Variants in TSPEAR observed in about 807,000 individuals in gnomAD.
TSPEAR encodes thrombospondin-type laminin G domain and EAR repeat-containing protein.
Under a neutral mutation model 71.6 loss-of-function variants are expected in TSPEAR, and 69 were observed. The ratio of observed to expected loss-of-function variants is 0.96; its 90% CI spans 0.79 to 1.18. The LOEUF is 1.18. Among genes scored for constraint, TSPEAR ranks in the 50% most tolerant of loss-of-function variants. The pLI is 0.00. For missense variants in TSPEAR, 971 were observed against 894.9 expected (o/e 1.09, Z -1.09); for synonymous variants, 402 against 387.2 (o/e 1.04, Z -0.45).
intron 1 of TSPEAR, chr21:44,654,183 G>C: frequency 9.7e-7 from 1 of 1,027,064 alleles, no homozygotes; most frequent in Non-Finnish European, 1.5e-6. Flanking sequence ...ACGACAGTTT[G>C]CTGTGGGAGG....
chr21:44,578,803 C>T (rs1978648491), intron 1 of TSPEAR, among the ~76,000 whole-genome samples: 1 of 152,190 alleles, frequency 6.6e-6, no homozygotes, highest in Admixed American at 6.5e-5. Context: ...AGGGCCTTGT[C>T]CACCTGTGCC....
chr21:44,526,346 T>C (rs1206500184), intron 7 of TSPEAR, among the ~76,000 whole-genome samples: 4 of 152,204 alleles, frequency 2.6e-5, no homozygotes, highest in African/African-American at 9.7e-5. Flanking sequence ...ACGATGTGCT[T>C]GGAGGCAAGG....
At chr21:44,616,614 G>C (rs2146185035) in intron 1 of TSPEAR, among the ~76,000 whole-genome samples, 1 of 152,294 alleles carries the variant, frequency 6.6e-6, no homozygotes, top group South Asian at 2.1e-4. Context: ...GATCAGTGGG[G>C]CAAGCCTGGC....
intron 1 of TSPEAR, among the ~76,000 whole-genome samples, chr21:44,598,809 C>T (rs1001229475): frequency 6.6e-6 from 1 of 152,178 alleles, no homozygotes; most frequent in Non-Finnish European, 1.5e-5. Flanking sequence ...CTTCCGTCAT[C>T]CTGCCTAAAA....
chr21:44,677,861 T>C, intron 1 of TSPEAR: 2 of 1,338,740 alleles, frequency 1.5e-6, no homozygotes, highest in African/African-American at 1.4e-5. Flanking sequence ...TGGTTTTCTC[T>C]ACTCTTTCTC....
intron 1 of TSPEAR, among the ~76,000 whole-genome samples, chr21:44,568,206 C>A (rs587689555): frequency 3.3e-5 from 5 of 152,284 alleles, no homozygotes; most frequent in South Asian, 2.1e-4. Context: ...GGCCTCCCCC[C>A]ACCCCTCCTC....
At chr21:44,592,984 TG>T (rs1484027785) in intron 1 of TSPEAR, among the ~76,000 whole-genome samples, 2 of 151,304 alleles carry the variant, frequency 1.3e-5, no homozygotes, top group Admixed American at 1.3e-4. Flanking sequence ...ATGGTGGGGG[TG>T]GGGGGCAGCT....
chr21:44,591,658 G>A, intron 1 of TSPEAR: 1 of 1,612,986 alleles, frequency 6.2e-7, no homozygotes, highest in South Asian at 1.1e-5. Context: ...GGAAGCCCCA[G>A]AGCAGACGGG....
intron 1 of TSPEAR, among the ~76,000 whole-genome samples, chr21:44,618,647 G>A (rs765217759): frequency 5.1e-4 from 78 of 152,208 alleles, no homozygotes; most frequent in Non-Finnish European, 7.8e-4. Context: ...CTGGTGTGGG[G>A]TGCTGCTGCC....
Position 44,525,719 on chromosome 21 carries a change from C to T in TSPEAR, c.1270G>A (p.Ala424Thr), listed in dbSNP as rs782579545. ...TPYQSIATHS[A>T]RDWEAFEVDG... ...ACCTCGAAGGCCTCCCAGTCTCGGG[C>T]GCTGTGTGTGGCAATGCTCTGATAT... Residue 424 changes from alanine (A) to threonine (T), a missense_variant, in exon 8 of 12, where the codon GCC becomes ACC. Coordinates refer to ENST00000323084, the MANE Select transcript of TSPEAR (RefSeq NM_144991.3). The T allele has an allele frequency of 6.8e-6, 11 of 1,614,168 alleles. No homozygotes were observed. The highest frequency in any genetic ancestry group is 2.2e-5 in the East Asian group (1 of 44,882).
intron 1 of TSPEAR, among the ~76,000 whole-genome samples, chr21:44,647,894 T>C (rs886491786): frequency 6.6e-6 from 1 of 152,114 alleles, no homozygotes; most frequent in African/African-American, 2.4e-5. Context: ...CAGAGCTGAG[T>C]GGGCTCGGCC....
intron 1 of TSPEAR, chr21:44,600,657 C>A (rs1378054701): frequency 6.2e-7 from 1 of 1,613,842 alleles, no homozygotes; most frequent in Admixed American, 1.7e-5. Flanking sequence ...GCTCCAGCGA[C>A]CTGAGCTACG....
intron 1 of TSPEAR, among the ~76,000 whole-genome samples, chr21:44,655,453 C>T (rs1654122307): frequency 6.6e-6 from 1 of 152,204 alleles, no homozygotes; most frequent in Admixed American, 6.5e-5. Flanking sequence ...CAGTGGGCTT[C>T]CTGACACCAC....
At chr21:44,579,642 G>T in intron 1 of TSPEAR, 3 of 1,230,876 alleles carry the variant, frequency 2.4e-6, no homozygotes, top group Non-Finnish European at 3.4e-6. Flanking sequence ...TGGAGGGGGG[G>T]GTCACCTCAG....
At chr21:44,705,928 G>A (rs958023034) in intron 1 of TSPEAR, among the ~76,000 whole-genome samples, 1 of 152,098 alleles carries the variant, frequency 6.6e-6, no homozygotes, top group Non-Finnish European at 1.5e-5. Context: ...TGGTTTTTGC[G>A]GCTTGTGGGG....
chr21:44,498,935 G>A lies in TSPEAR; in HGVS notation c.*848C>T, dbSNP rs2051977157. 2.0e-5 allele frequency: 3 copies of A among 152,394 alleles called. No homozygotes were observed. The highest frequency in any genetic ancestry group is 2.1e-4 in the South Asian group (1 of 4,838). 9.4% of individuals were successfully genotyped at this position (152,394 alleles called of 1,614,324 possible). A position where few individuals can be genotyped will look rare whatever the true frequency, so the allele number is the denominator to read the frequency against. On this transcript the variant is annotated 3_prime_UTR_variant, in exon 12 of 12. Coordinates refer to ENST00000323084, the MANE Select transcript of TSPEAR (RefSeq NM_144991.3). ...GGACAGACAAGCAGCTCTCCCAGCT[G>A]CAGAGACAAGATGACCACAGGAGAG...
chr21:44,504,533 G>GCAGCTCAT (rs1569148894), intron 11 of TSPEAR, among the ~76,000 whole-genome samples: 5 of 144,318 alleles, frequency 3.5e-5, no homozygotes, highest in African/African-American at 1.1e-4. Context: ...GCCGGCCTCG[G>GCAGCTCAT]TGAGCCCACA....
chr21:44,590,160 G>A (rs946781135), intron 1 of TSPEAR, among the ~76,000 whole-genome samples: 2 of 152,258 alleles, frequency 1.3e-5, no homozygotes, highest in African/African-American at 4.8e-5. Flanking sequence ...GGTGCTGGTC[G>A]CCTCTGGCGT....
At chr21:44,639,918 CAT>C (rs587618943) in intron 1 of TSPEAR, among the ~76,000 whole-genome samples, 60 of 152,356 alleles carry the variant, frequency 3.9e-4, no homozygotes, top group African/African-American at 1.4e-3. Flanking sequence ...TCTGGGTCCT[CAT>C]TCGATGTGTC....
Sources: gnomAD v4.1 joint callset for allele counts (sites outside exome capture counted in the v4.1 genomes callset) on GRCh38, gnomAD v4.1.1 for gene constraint, MANE v1.5 for transcripts, NCBI Gene and HGNC (gene_info 2026-07-23, HGNC 2026-07-21) for gene names.